ABCA3: variants seen among roughly 807,000 people sequenced by gnomAD.
ABCA3 encodes phospholipid-transporting ATPase ABCA3.
Under a neutral mutation model 172.8 loss-of-function variants are expected in ABCA3, and 88 were observed. The observed-to-expected ratio is 0.51, with a 90% CI of 0.43 to 0.61. ABCA3 has a LOEUF of 0.61. ABCA3 is among the 20% of genes least tolerant of loss of function. The pLI, the probability that ABCA3 is intolerant of heterozygous loss-of-function variation, is 0.00. For synonymous variants in ABCA3, 1,066 were observed against 983.8 expected, an observed-to-expected ratio of 1.08 and a Z score of -1.56; for missense variants, 2,164 against 2,301.0, an observed-to-expected ratio of 0.94 and a Z score of 1.22.
At position 2,283,454 on chromosome 16, in the gene ABCA3, GC is replaced by G; in HGVS notation, c.3863-97del. On this transcript the variant is annotated intron_variant, in intron 25 of 32. Transcript: ENST00000301732. The surrounding 1 kb of genome is among the most constrained non-coding windows in gnomAD (Gnocchi z 5.4). ...CACTCCCCTCCCCAGGCTGCTCAAG[GC>G]GCCTGTAACAATGTCCCCTCCATGG... The G allele has an allele frequency of 7.0e-7, 1 of 1,428,110 alleles. No homozygotes were observed. Among genetic ancestry groups the G allele is most frequent in the South Asian group, 1.3e-5 (1 of 77,444 alleles). The allele number at this position is 1,428,110 out of a possible 1,614,324, so 88.5% of individuals were successfully genotyped here.
At chr16:2,316,893 A>C (rs1345708128) in intron 10 of ABCA3, among the ~76,000 whole-genome samples, 1 of 152,234 alleles carries the variant, frequency 6.6e-6, no homozygotes, top group African/African-American at 2.4e-5. Context: ...CAGAAGGCCA[A>C]CAGAAGGCAG....
At chr16:2,326,849 G>A (rs542079766) in intron 3 of ABCA3, among the ~76,000 whole-genome samples, 3 of 152,100 alleles carry the variant, frequency 2.0e-5, no homozygotes, top group Admixed American at 1.3e-4. Context: ...TTAGCCAGGC[G>A]TGGTGGCAGG....
At chr16:2,296,578 C>T (rs2093680118) in intron 17 of ABCA3, among the ~76,000 whole-genome samples, 1 of 152,226 alleles carries the variant, frequency 6.6e-6, no homozygotes, top group Non-Finnish European at 1.5e-5. Context: ...CCAGGAAGAA[C>T]AATGGCTCTG....
At chr16:2,321,580 G>C (rs141196128) in intron 7 of ABCA3, among the ~76,000 whole-genome samples, 1 of 152,094 alleles carries the variant, frequency 6.6e-6, no homozygotes, top group Non-Finnish European at 1.5e-5. Flanking sequence ...ACCTGCAGTG[G>C]GGTCTTTCTT....
In ABCA3 at chr16:2,277,642, G is replaced by T. The variant is rs767333012; in HGVS notation, c.4938C>A (p.Gly1646=). 6.2e-7 allele frequency: 1 copy of T among 1,613,226 alleles called. No homozygotes were observed. Among genetic ancestry groups the T allele is most frequent in the African/African-American group, 1.3e-5 (1 of 75,060 alleles). ...GGCCCGGCAGGTGGTAATGGACCAT[G>T]CCTTGGTGCTCATCTTCCAGGACGC... is the stretch of plus-strand genomic sequence containing the variant. ...PGSVLEDEHQ[G]MVHYHLPGRD... is the part of the protein sequence containing the mutation. Residue 1646 remains glycine (G), a synonymous_variant, in exon 32 of 33, where the codon GGC becomes GGA. Transcript: ENST00000301732. The surrounding 1 kb of genome is among the most constrained non-coding windows in gnomAD (Gnocchi z 5.3).
At chr16:2,304,675 A>ATT (rs1223632245) in intron 11 of ABCA3, among the ~76,000 whole-genome samples, 3 of 99,832 alleles carry the variant, frequency 3.0e-5, no homozygotes, top group East Asian at 2.6e-4. Flanking sequence ...CCTGGGCTAA[A>ATT]TTTTTTTTTT....
Position 2,278,875 on chromosome 16 carries a change from C to G in ABCA3, c.4547+68G>C. ...GGCTGCTGACCTGAGCGGTCACTCCCAGCTCTATGCTATGGGGACCTTGAT... is the reference window on the plus strand; with the variant it reads ...GGCTGCTGACCTGAGCGGTCACTCCGAGCTCTATGCTATGGGGACCTTGAT... On this transcript the variant is annotated intron_variant, in intron 29 of 32. Coordinates refer to ENST00000301732, the MANE Select transcript of ABCA3 (RefSeq NM_001089.3). The surrounding 1 kb of genome is among the most constrained non-coding windows in gnomAD (Gnocchi z 4.4). The G allele has an allele frequency of 6.2e-7, 1 of 1,606,792 alleles. No individual in the cohort carries two copies. Among genetic ancestry groups the G allele is most frequent in the Non-Finnish European group, 8.5e-7 (1 of 1,176,908 alleles).
chr16:2,336,683 A>G (rs1596874180), intron 1 of ABCA3, among the ~76,000 whole-genome samples: 1 of 138,418 alleles, frequency 7.2e-6, no homozygotes, highest in African/African-American at 2.7e-5. Context: ...CAAGCAATCC[A>G]CCCACCTCGG....
At chr16:2,289,920 G>T (rs1348808078) in intron 19 of ABCA3, among the ~76,000 whole-genome samples, 3 of 150,872 alleles carry the variant, frequency 2.0e-5, no homozygotes, top group Non-Finnish European at 4.4e-5. Flanking sequence ...AACCACCAAG[G>T]CTGGCAGAGG....
Position 2,284,951 on chromosome 16 carries a change from G to A in ABCA3, c.3531C>T (p.His1177=), listed in dbSNP as rs2093660521. 6.8e-6 allele frequency: 11 copies of A among 1,613,896 alleles called. No homozygotes were observed. The highest frequency in any genetic ancestry group is 9.3e-6 in the Non-Finnish European group (11 of 1,180,010). ...GGAGCAGCAGCAGGGTGTCAGCCAT[G>A]TGGCCGTCCCGCGTGAAGGCACGCA... is the stretch of plus-strand genomic sequence containing the variant. ...FDVRAFTRDG[H]MADTLLLLLL... is the part of the protein sequence containing the mutation. Residue 1177 remains histidine (H), a synonymous_variant, in exon 24 of 33, where the codon CAC becomes CAT. Coordinates refer to ENST00000301732, the MANE Select transcript of ABCA3 (RefSeq NM_001089.3). This position sits in a 1 kb window ranked among gnomAD's most constrained non-coding sequence, Gnocchi z 5.9.
chr16:2,336,484 G>A (rs1265160232), intron 1 of ABCA3, among the ~76,000 whole-genome samples: 1 of 150,866 alleles, frequency 6.6e-6, no homozygotes, highest in East Asian at 1.9e-4. Flanking sequence ...AGGCTGGAGT[G>A]CAAAGGTGCA....
At chr16:2,294,997 A>G (rs2093677507) in intron 18 of ABCA3, among the ~76,000 whole-genome samples, 1 of 152,178 alleles carries the variant, frequency 6.6e-6, no homozygotes, top group South Asian at 2.1e-4. Context: ...CAAATAATAA[A>G]TAAATAACAA....
At chr16:2,316,260 G>A (rs2093715310) in intron 10 of ABCA3, among the ~76,000 whole-genome samples, 1 of 139,144 alleles carries the variant, frequency 7.2e-6, no homozygotes, top group African/African-American at 2.7e-5. Context: ...AGTGAGCCGT[G>A]TCTGTGCCAT....
At chr16:2,313,450 G>A (rs538905686) in intron 10 of ABCA3, among the ~76,000 whole-genome samples, 1 of 151,706 alleles carries the variant, frequency 6.6e-6, no homozygotes, top group Admixed American at 6.6e-5. Context: ...GCTACTCAGA[G>A]GCTGAGGCAG....
intron 20 of ABCA3, 166 bp downstream of exon 20, chr16:2,289,268 C>G (rs2093668016): frequency 1.3e-6 from 1 of 780,244 alleles, no homozygotes; most frequent in Non-Finnish European, 2.0e-6. Flanking sequence ...ACGCTTCTCC[C>G]TGCCGACCCA....
intron 10 of ABCA3, among the ~76,000 whole-genome samples, chr16:2,309,767 G>A (rs12598641): frequency 0.11 from 17,054 of 152,054 alleles, 1,606 homozygotes; most frequent in East Asian, 0.38. Flanking sequence ...CCACAGGCAC[G>A]CAGTACCATG....
intron 10 of ABCA3, among the ~76,000 whole-genome samples, chr16:2,312,325 A>G (rs191453574): frequency 1.3e-5 from 2 of 152,332 alleles, no homozygotes; most frequent in Admixed American, 1.3e-4. Flanking sequence ...GCCCCATGGA[A>G]AAAGTGGCTA....
In ABCA3 at chr16:2,319,695, G is replaced by A; in HGVS notation, c.759C>T (p.Asp253=). ...KRFPYPPFIA[D]PFLVAIQYQL... is the part of the protein sequence containing the mutation. ...GGTACTGGATGGCCACGAGGAAGGG[G>A]TCTGCGATGAACGGCGGGTACGGGA... Residue 253 remains aspartate (D), a synonymous_variant, in exon 8 of 33, where the codon GAC becomes GAT. Coordinates refer to ENST00000301732, the MANE Select transcript of ABCA3 (RefSeq NM_001089.3). 6 of 1,613,986 alleles carry A rather than the reference G, an allele frequency of 3.7e-6. No individual in the cohort carries two copies. Among genetic ancestry groups the A allele is most frequent in the Non-Finnish European group, 5.1e-6 (6 of 1,180,012 alleles).
intron 7 of ABCA3, among the ~76,000 whole-genome samples, chr16:2,321,764 C>T (rs1326780296): frequency 6.6e-6 from 1 of 152,160 alleles, no homozygotes; most frequent in Non-Finnish European, 1.5e-5. Context: ...CTTCCATGAA[C>T]ACCACACTGA....
Sources: gnomAD v4.1 joint callset for allele counts (sites outside exome capture counted in the v4.1 genomes callset) on GRCh38, gnomAD v4.1.1 for gene constraint, Gnocchi (gnomAD v3.1) non-coding constraint, MANE v1.5 for transcripts, NCBI Gene and HGNC (gene_info 2026-07-23, HGNC 2026-07-21) for gene names.